The following GRM1 variants were observed in gnomAD, a reference collection of about 807,000 sequenced individuals.
The protein encoded by GRM1 is metabotropic glutamate receptor 1.
Under a neutral mutation model 90.9 loss-of-function variants are expected in GRM1, and 33 were observed. The ratio of observed to expected loss-of-function variants is 0.36; its 90% CI spans 0.28 to 0.49. GRM1 has a LOEUF of 0.49. Among genes scored for constraint, GRM1 ranks in the 20% least tolerant of loss-of-function variants. GRM1 has a pLI of 0.99. For missense variants in GRM1, 1,190 were observed against 1,534.3 expected (o/e 0.78, Z 3.75); for synonymous variants, 700 against 613.2 (o/e 1.14, Z -2.09).
At position 146,098,577 on chromosome 6, in the gene GRM1, G is replaced by A. The variant is rs1582998945; in HGVS notation, c.701-60771G>A. On this transcript the variant is annotated intron_variant, in intron 1 of 7. Transcript: ENST00000282753. ...ATAGATTATGGTCAATAAGTTATTG[G>A]GTAAATGTTATTTTCCTACTATTAC... 6.6e-5 allele frequency among the ~76,000 whole-genome samples: 10 copies of A among 151,910 alleles called. 1 individual carries two copies. The South Asian group carries it at 2.1e-3, about 32-fold the overall frequency.
intron 2 of GRM1, among the ~76,000 whole-genome samples, chr6:146,267,251 G>C (rs899189159): frequency 3.3e-5 from 5 of 152,190 alleles, no homozygotes; most frequent in African/African-American, 9.7e-5. Context: ...ATATTCCATG[G>C]TGTATATGTA....
At chr6:146,410,280 C>A (rs916373925) in intron 7 of GRM1, among the ~76,000 whole-genome samples, 1 of 151,826 alleles carries the variant, frequency 6.6e-6, no homozygotes, top group Non-Finnish European at 1.5e-5. Flanking sequence ...AATACAGAGT[C>A]GACTATTTTG....
At chr6:146,331,558 G>T (rs1267044543) in intron 3 of GRM1, among the ~76,000 whole-genome samples, 1 of 152,088 alleles carries the variant, frequency 6.6e-6, no homozygotes, top group Non-Finnish European at 1.5e-5. Context: ...ATAAGCAAGG[G>T]ATATCATTTG....
intron 2 of GRM1, among the ~76,000 whole-genome samples, chr6:146,261,494 A>C (rs1461320590): frequency 6.6e-6 from 1 of 152,002 alleles, no homozygotes; most frequent in Non-Finnish European, 1.5e-5. Context: ...TAACATGGAG[A>C]AAAAAAATCA....
chr6:146,355,759 G>A (rs1190429411), intron 4 of GRM1, among the ~76,000 whole-genome samples: 1 of 152,194 alleles, frequency 6.6e-6, no homozygotes, highest in Non-Finnish European at 1.5e-5. Context: ...GGAGTGTTAG[G>A]CTGAGAGGGA....
chr6:146,392,971 T>C (rs1224510126), intron 6 of GRM1, among the ~76,000 whole-genome samples: 3 of 152,216 alleles, frequency 2.0e-5, no homozygotes, highest in Non-Finnish European at 4.4e-5. Context: ...GTTTTTGCTA[T>C]TGTGAATAGT....
At chr6:146,143,198 T>A (rs1346717803) in intron 1 of GRM1, among the ~76,000 whole-genome samples, 1 of 152,232 alleles carries the variant, frequency 6.6e-6, no homozygotes, top group Non-Finnish European at 1.5e-5. Context: ...CAAGAGGTCC[T>A]CACGTTCTTT....
intron 2 of GRM1, among the ~76,000 whole-genome samples, chr6:146,213,703 GA>G (rs1779758657): frequency 6.6e-6 from 1 of 151,396 alleles, no homozygotes; most frequent in African/African-American, 2.4e-5. Flanking sequence ...TAGATAGATA[GA>G]TAGATAGATA....
chr6:146,213,522 A>G (rs777638623), intron 2 of GRM1, among the ~76,000 whole-genome samples: 1 of 152,196 alleles, frequency 6.6e-6, no homozygotes, highest in Non-Finnish European at 1.5e-5. Context: ...ACATTATTGT[A>G]CATATATTCC....
chr6:146,347,426 T>C (rs2115030363), intron 3 of GRM1, among the ~76,000 whole-genome samples: 1 of 152,352 alleles, frequency 6.6e-6, no homozygotes, highest in East Asian at 1.9e-4. Context: ...CCTAGGAATA[T>C]ACTTGTGAGT....
chr6:146,266,047 G>A (rs1781874022), intron 2 of GRM1, among the ~76,000 whole-genome samples: 1 of 152,100 alleles, frequency 6.6e-6, no homozygotes, highest in Non-Finnish European at 1.5e-5. Flanking sequence ...AAATTAGCCA[G>A]GTATGGTGGT....
chr6:146,188,324 C>T (rs1474243527), intron 2 of GRM1, among the ~76,000 whole-genome samples: 2 of 152,016 alleles, frequency 1.3e-5, no homozygotes, highest in African/African-American at 4.8e-5. Context: ...AATTTTAATG[C>T]CCTATTTTTT....
chr6:146,433,294 T>C (rs1355091159), intron 7 of GRM1, among the ~76,000 whole-genome samples: 1 of 152,226 alleles, frequency 6.6e-6, no homozygotes, highest in Non-Finnish European at 1.5e-5. Context: ...TCTGCTTTTT[T>C]ATGTTCCTTA....
chr6:146,325,195 G>C (rs1784361931), intron 3 of GRM1, among the ~76,000 whole-genome samples: 2 of 152,112 alleles, frequency 1.3e-5, no homozygotes, highest in African/African-American at 4.8e-5. Context: ...TCTGTTTAAA[G>C]GTTTTGAGTA....
At chr6:146,309,620 A>T (rs544019150) in intron 3 of GRM1, among the ~76,000 whole-genome samples, 1 of 152,230 alleles carries the variant, frequency 6.6e-6, no homozygotes, top group South Asian at 2.1e-4. Flanking sequence ...AAAGCTCCAT[A>T]ATATTCTAAC....
At chr6:146,426,163 G>C (rs1043087424) in intron 7 of GRM1, among the ~76,000 whole-genome samples, 3 of 150,862 alleles carry the variant, frequency 2.0e-5, no homozygotes, top group Non-Finnish European at 4.4e-5. Flanking sequence ...AAAAGTCACA[G>C]TGTCAGACAT....
chr6:146,283,302 A>T (rs922275189), intron 2 of GRM1, among the ~76,000 whole-genome samples: 4 of 152,200 alleles, frequency 2.6e-5, no homozygotes, highest in Non-Finnish European at 5.9e-5. Context: ...AATCAGCCAG[A>T]TACAAGCCCC....
chr6:146,086,332 C>T (rs1776544402), intron 1 of GRM1, among the ~76,000 whole-genome samples: 1 of 152,106 alleles, frequency 6.6e-6, no homozygotes, highest in Admixed American at 6.6e-5. Context: ...TCTCTGAGGA[C>T]AAAACCTGTC....
At chr6:146,397,491 A>G (rs1777005206) in intron 6 of GRM1, among the ~76,000 whole-genome samples, 5 of 150,834 alleles carry the variant, frequency 3.3e-5, no homozygotes, top group Admixed American at 3.3e-4. Context: ...AAAGAAAAAA[A>G]AAAAAAAAAA....
Sources: allele counts gnomAD v4.1 joint callset (sites outside exome capture counted in the v4.1 genomes callset), GRCh38; gene constraint gnomAD v4.1.1; transcripts MANE v1.5; gene names NCBI Gene and HGNC (gene_info 2026-07-23, HGNC 2026-07-21).